The following MAGED1 variants were observed in gnomAD, a reference collection of about 807,000 sequenced individuals.
The protein encoded by MAGED1 is MAGE family member D1, also known as melanoma-associated antigen D1.
In MAGED1, 3 loss-of-function variants were observed where a neutral mutation model predicts 54.1. The observed-to-expected ratio is 0.06, with a 90% CI of 0.03 to 0.14. MAGED1 has a LOEUF of 0.14. MAGED1 is among the 10% of genes least tolerant of loss of function. The pLI, the probability that MAGED1 is intolerant of heterozygous loss-of-function variation, is 1.00. For synonymous variants in MAGED1, 217 were observed against 227.3 expected (o/e 0.95, Z 0.41); for missense variants, 485 against 623.4 (o/e 0.78, Z 2.36).
chrX:51,901,229 C>T (rs782758724), intron 11 of MAGED1, among the ~76,000 whole-genome samples: 1 of 112,035 alleles, frequency 8.9e-6, no homozygotes, highest in Admixed American at 9.5e-5. Context: ...ATCTCCCTAT[C>T]CCTCCTGACC....
At chrX:51,815,335 C>T (rs1925377967) in intron 1 of MAGED1, among the ~76,000 whole-genome samples, 1 of 110,400 alleles carries the variant, frequency 9.1e-6, no homozygotes, top group African/African-American at 3.3e-5. Context: ...TGTTATTGCC[C>T]CTGAAGAACT....
At chrX:51,838,087 C>T (rs1332151059) in intron 1 of MAGED1, among the ~76,000 whole-genome samples, 2 of 112,277 alleles carry the variant, frequency 1.8e-5, no homozygotes, top group African/African-American at 6.5e-5. Context: ...ATTCAAGTTA[C>T]GTGATTCCTG....
At chrX:51,824,256 C>T (rs1452075384) in intron 1 of MAGED1, among the ~76,000 whole-genome samples, 6 of 110,510 alleles carry the variant, frequency 5.4e-5, no homozygotes, top group Non-Finnish European at 7.6e-5. Context: ...CCATTTTCTC[C>T]TTCACTTTTG....
intron 5 of MAGED1, 99 bp downstream of exon 5, chrX:51,897,370 A>C (rs936299268): frequency 1.1e-6 from 1 of 873,273 alleles, no homozygotes; most frequent in Non-Finnish European, 1.7e-6. Context: ...CCTTCACTCC[A>C]TGCTCTGTCG....
At chrX:51,876,852 G>T (rs868908546) in intron 1 of MAGED1, among the ~76,000 whole-genome samples, 22 of 110,813 alleles carry the variant, frequency 2.0e-4, no homozygotes, top group Middle Eastern at 4.7e-3. Context: ...TCAATAACCT[G>T]CTAAATTTAT....
chrX:51,849,939 T>C (rs1557359616), intron 1 of MAGED1, among the ~76,000 whole-genome samples: 1 of 111,243 alleles, frequency 9.0e-6, no homozygotes, highest in East Asian at 2.8e-4. Context: ...TCTGAAATAA[T>C]CTCTTTTTTT....
intron 1 of MAGED1, among the ~76,000 whole-genome samples, chrX:51,856,350 A>G (rs1462398675): frequency 1.8e-5 from 2 of 112,248 alleles, no homozygotes; most frequent in African/African-American, 6.5e-5. Context: ...ATTGTTTTCC[A>G]GAAAATTGTA....
chrX:51,893,819 CG>C (rs1396981601), intron 1 of MAGED1, 64 bp downstream of exon 1: 3 of 110,100 alleles, frequency 2.7e-5, no homozygotes, highest in African/African-American at 9.9e-5. Flanking sequence ...TTTTTTATCC[CG>C]ATCCCTTCAC....
At chrX:51,888,497 T>C (rs1474642397) in intron 1 of MAGED1, among the ~76,000 whole-genome samples, 4 of 112,198 alleles carry the variant, frequency 3.6e-5, no homozygotes, top group Non-Finnish European at 7.5e-5. Flanking sequence ...GGAGAAACTG[T>C]ATCCTTCACA....
At chrX:51,853,458 G>C (rs1372363022) in intron 1 of MAGED1, among the ~76,000 whole-genome samples, 2 of 112,054 alleles carry the variant, frequency 1.8e-5, no homozygotes, top group African/African-American at 6.5e-5. Flanking sequence ...TCCCCTTTAG[G>C]GGGTAGCCCT....
At chrX:51,804,622 G>A (rs1286406354) in intron 1 of MAGED1, among the ~76,000 whole-genome samples, 4 of 111,155 alleles carry the variant, frequency 3.6e-5, no homozygotes, top group African/African-American at 1.3e-4. Context: ...CTATAGCTGG[G>A]AGACAGACAA....
intron 2 of MAGED1, chrX:51,894,617 T>C: frequency 8.4e-7 from 1 of 1,189,860 alleles, no homozygotes; most frequent in Non-Finnish European, 1.1e-6. Context: ...CCATTTTTTT[T>C]TTTTTCCAGA....
intron 1 of MAGED1, among the ~76,000 whole-genome samples, chrX:51,825,209 A>G (rs1925811164): frequency 9.1e-6 from 1 of 110,455 alleles, no homozygotes; most frequent in Non-Finnish European, 1.9e-5. Flanking sequence ...GGAAGAGGCC[A>G]TGGAATTTCC....
At chrX:51,813,696 A>T (rs1557355774) in intron 1 of MAGED1, among the ~76,000 whole-genome samples, 2 of 111,846 alleles carry the variant, frequency 1.8e-5, no homozygotes, top group Non-Finnish European at 3.8e-5. Flanking sequence ...GATGGCAAGA[A>T]CAATTGGCAC....
rs200239304 is a variant in MAGED1, at chrX:51,805,832, CATCT to C, written c.-37+2722_-37+2725del. On this transcript the variant is annotated intron_variant, in intron 1 of 12. Coordinates refer to the MAGED1 transcript ENST00000375772. ...CCGTCCATCCATCCATTTATCCATC[CATCT>C]ATCTATTTTTTTATCTATTTTGGCT... Among the ~76,000 whole-genome samples, 558 of 109,684 alleles carry C rather than the reference CATCT, an allele frequency of 5.1e-3. 2 individuals carry two copies. Among genetic ancestry groups the C allele is most frequent in the Middle Eastern group, 9.6e-3 (2 of 209 alleles).
At chrX:51,823,171 G>A (rs1355575157) in intron 1 of MAGED1, among the ~76,000 whole-genome samples, 3 of 111,696 alleles carry the variant, frequency 2.7e-5, no homozygotes, top group Non-Finnish European at 5.7e-5. Flanking sequence ...TCTATTAGGT[G>A]CAGTCTTCTT....
intron 12 of MAGED1, 99 bp downstream of exon 12, chrX:51,902,037 C>A (rs1929050123): frequency 2.3e-6 from 2 of 888,165 alleles, no homozygotes; most frequent in South Asian, 2.9e-5. Flanking sequence ...TTAGGAAACT[C>A]ATTGTAGGGA....
chrX:51,827,968 G>C (rs1291256838), intron 1 of MAGED1, among the ~76,000 whole-genome samples: 2 of 111,175 alleles, frequency 1.8e-5, no homozygotes, highest in African/African-American at 6.5e-5. Flanking sequence ...CCTCTAACTT[G>C]GTTTTCCTTT....
intron 11 of MAGED1, 78 bp from the exon 12 acceptor site, chrX:51,901,475 A>G (rs1161061588): frequency 5.4e-6 from 5 of 917,813 alleles, no homozygotes; most frequent in Non-Finnish European, 7.4e-6. Context: ...CCATTCATCC[A>G]CTGATGGACA....
Sources: gnomAD v4.1 joint callset for allele counts (sites outside exome capture counted in the v4.1 genomes callset) on GRCh38, gnomAD v4.1.1 for gene constraint, MANE v1.5 for transcripts, NCBI Gene and HGNC (gene_info 2026-07-23, HGNC 2026-07-21) for gene names.